Variants in SEPSECS observed in about 807,000 individuals in gnomAD.
SEPSECS encodes the protein Sep (O-phosphoserine) tRNA:Sec (selenocysteine) tRNA synthase.
SEPSECS carries 42 observed loss-of-function variants against 52.1 expected under a neutral mutation model. The ratio of observed to expected loss-of-function variants is 0.81; its 90% CI spans 0.63 to 1.04. The LOEUF (loss-of-function observed/expected upper bound fraction) is 1.04, where lower values mean the gene tolerates loss of function less well. Among genes scored for constraint, SEPSECS ranks in the 50% least tolerant of loss-of-function variants. The probability of loss-of-function intolerance (pLI) is 0.00; values close to 1 mark genes in which losing one functional copy is unlikely to be tolerated. For missense variants in SEPSECS, 590 were observed against 610.6 expected (o/e 0.97, Z 0.36); for synonymous variants, 216 against 211.4 (o/e 1.02, Z -0.19).
At chr4:25,141,182 G>T (rs901198708) in intron 8 of SEPSECS, among the ~76,000 whole-genome samples, 1 of 152,002 alleles carries the variant, frequency 6.6e-6, no homozygotes, top group Non-Finnish European at 1.5e-5. Context: ...CACCATTCTT[G>T]GTCTTCCTCC....
intron 1 of SEPSECS, 144 bp from the exon 2 acceptor site, chr4:25,159,251 A>G (rs1712893994): frequency 1.5e-6 from 1 of 689,548 alleles, no homozygotes; most frequent in Non-Finnish European, 2.4e-6. Context: ...ACCACTGTAT[A>G]GAGACCGCAA....
At chr4:25,158,290 T>C (rs1205465404) in intron 2 of SEPSECS, among the ~76,000 whole-genome samples, 1 of 152,210 alleles carries the variant, frequency 6.6e-6, no homozygotes, top group Non-Finnish European at 1.5e-5. Flanking sequence ...GAAATTTTCA[T>C]TATAATGTAA....
Position 25,158,977 on chromosome 4 carries a change from G to A in SEPSECS, c.245C>T (p.Ala82Val). ...CCTGTAATGACGACGAGCAACCAGT[G>A]CGGATGCCACTCTCCCTTCCCTTTC... ...VGEREGRVAS[A>V]LVARRHYRFI... The change falls in exon 2 of 11, where the codon GCA becomes GTA. Residue 82 changes from alanine (A) to valine (V), a missense_variant. Transcript: ENST00000382103. The A allele has an allele frequency of 6.2e-7, 1 of 1,613,856 alleles. No individual in the cohort carries two copies. Among genetic ancestry groups the A allele is most frequent in the South Asian group, 1.1e-5 (1 of 91,074 alleles).
intron 2 of SEPSECS, among the ~76,000 whole-genome samples, chr4:25,157,896 C>T (rs937270216): frequency 2.6e-5 from 4 of 152,044 alleles, no homozygotes; most frequent in African/African-American, 9.7e-5. Context: ...GGCTAAGTTC[C>T]AATGATGGTT....
intron 8 of SEPSECS, among the ~76,000 whole-genome samples, chr4:25,135,145 A>G (rs774615833): frequency 5.3e-5 from 8 of 152,170 alleles, no homozygotes; most frequent in Non-Finnish European, 7.3e-5. Context: ...ATCAACTAAA[A>G]GAAGTAGACA....
chr4:25,125,301 A>C (rs1208240376), intron 10 of SEPSECS: 1 of 172,244 alleles, frequency 5.8e-6, no homozygotes, highest in African/African-American at 2.4e-5. Flanking sequence ...CTTTTTTTTT[A>C]GTTTAGGAAG....
At chr4:25,151,787 A>C (rs1342375172) in intron 6 of SEPSECS, among the ~76,000 whole-genome samples, 173 bp downstream of exon 6, 3 of 152,224 alleles carry the variant, frequency 2.0e-5, no homozygotes, top group Non-Finnish European at 4.4e-5. Flanking sequence ...CCACAGTATC[A>C]AAGAATAATG....
chr4:25,152,129 G>T, intron 5 of SEPSECS, 67 bp from the exon 6 acceptor site: 19 of 989,640 alleles, frequency 1.9e-5, no homozygotes, highest in East Asian at 7.5e-5. Context: ...AGTGCAGAAA[G>T]TTTTTTAAAA....
chr4:25,137,344 A>G (rs1728878580), intron 8 of SEPSECS, among the ~76,000 whole-genome samples: 1 of 152,208 alleles, frequency 6.6e-6, no homozygotes, highest in South Asian at 2.1e-4. Context: ...TCCAGTCTAC[A>G]ATGAACGTAA....
In SEPSECS at chr4:25,152,064, TATAAAC is replaced by T; in HGVS notation, c.702-8_702-3del. The T allele has an allele frequency of 6.8e-7, 1 of 1,464,862 alleles. No homozygotes were observed. The highest frequency in any genetic ancestry group is 9.6e-7 in the Non-Finnish European group (1 of 1,044,200). The allele number at this position is 1,464,862 out of a possible 1,614,324, so 90.7% of individuals were successfully genotyped here. A position where few individuals can be genotyped will look rare whatever the true frequency, so the allele number is the denominator to read the frequency against. On this transcript the variant is annotated splice_region_variant and splice_polypyrimidine_tract_variant and intron_variant, in intron 5 of 10. Coordinates refer to ENST00000382103, the MANE Select transcript of SEPSECS (RefSeq NM_016955.4). ...CAAATCACAGCCAGTTCTTCTAATC[TATAAAC>T]ATAAATATTCAATAGAAAGACATAC...
chr4:25,123,225 G>A lies in SEPSECS; in HGVS notation c.*706C>T, dbSNP rs1728203132. The A allele has an allele frequency of 6.6e-6, 1 of 152,344 alleles. No individual in the cohort carries two copies. The highest frequency in any genetic ancestry group is 6.5e-5 in the Admixed American group (1 of 15,292). 9.4% of individuals were successfully genotyped at this position (152,344 alleles called of 1,614,324 possible). On this transcript the variant is annotated 3_prime_UTR_variant, in exon 11 of 11. Transcript: ENST00000382103. ...TTACTCAAGGAGTTTATCTACTTTA[G>A]AGGAGTATTTCTCAACCTCAGCACT...
At chr4:25,152,568 T>A (rs1712366754) in intron 5 of SEPSECS, among the ~76,000 whole-genome samples, 1 of 152,044 alleles carries the variant, frequency 6.6e-6, no homozygotes, top group Non-Finnish European at 1.5e-5. Context: ...CATTAAAATG[T>A]GTCATTACCA....
rs71610840 is a variant in SEPSECS, at chr4:25,156,600, C to T, written c.388+256G>A. ...GTGGGCACCTGTAGTCCCAGCTGCT[C>T]GGGAGGCTGAGGCAGGAGAATGGCG... On this transcript the variant is annotated intron_variant, in intron 3 of 10. Coordinates refer to ENST00000382103, the MANE Select transcript of SEPSECS (RefSeq NM_016955.4). Among the ~76,000 whole-genome samples, 56,769 of 146,404 alleles carry T rather than the reference C, an allele frequency of 0.39. 12,809 individuals carry two copies. Among genetic ancestry groups the T allele is most frequent in the Non-Finnish European group, 0.5 (33,540 of 67,094 alleles).
intron 8 of SEPSECS, among the ~76,000 whole-genome samples, chr4:25,140,015 G>C (rs558533295): frequency 6.6e-6 from 1 of 152,274 alleles, no homozygotes; most frequent in East Asian, 1.9e-4. Context: ...GTGTTGAGAA[G>C]TCTCTCTTGG....
intron 6 of SEPSECS, 115 bp from the exon 7 acceptor site, chr4:25,145,248 G>T: frequency 9.3e-7 from 1 of 1,073,404 alleles, no homozygotes; most frequent in Non-Finnish European, 1.4e-6. Flanking sequence ...ATATTAGCCT[G>T]ATTTAACCAT....
intron 5 of SEPSECS, among the ~76,000 whole-genome samples, chr4:25,152,414 T>C (rs1712358311): frequency 6.6e-6 from 1 of 152,188 alleles, no homozygotes; most frequent in Admixed American, 6.5e-5. Context: ...GCTCTTTTTT[T>C]CCACTTTTGG....
intron 6 of SEPSECS, among the ~76,000 whole-genome samples, chr4:25,148,918 T>G (rs1022978944): frequency 6.6e-6 from 1 of 152,218 alleles, no homozygotes; most frequent in Non-Finnish European, 1.5e-5. Context: ...AATATCTGCA[T>G]TTAAAAGTTT....
In SEPSECS at chr4:25,160,333, C is replaced by T. The variant is rs1339563905; in HGVS notation, c.37G>A (p.Val13Met). ...CCCTGCCGCACGTAAGCCGGCGACA[C>T]CAGCCGCTCTCCCGCCGCGAAGCTC... ...RESFAAGERLVSPAYVRQGCE... is the reference protein window; with the variant it reads ...RESFAAGERLMSPAYVRQGCE... Residue 13 changes from valine (V) to methionine (M), a missense_variant, in exon 1 of 11, where the codon GTG (valine) becomes ATG (methionine). Transcript: ENST00000382103. 3 of 1,548,944 alleles carry T rather than the reference C, an allele frequency of 1.9e-6. No homozygotes were observed. Among genetic ancestry groups the T allele is most frequent in the Admixed American group, 3.9e-5 (2 of 50,970 alleles).
At chr4:25,133,039 A>G (rs1728674568) in intron 8 of SEPSECS, among the ~76,000 whole-genome samples, 1 of 152,206 alleles carries the variant, frequency 6.6e-6, no homozygotes. Context: ...ACAGGAAATA[A>G]TAAGTACAAT....
Sources: gnomAD v4.1 joint callset for allele counts (sites outside exome capture counted in the v4.1 genomes callset) on GRCh38, gnomAD v4.1.1 for gene constraint, MANE v1.5 for transcripts, NCBI Gene and HGNC (gene_info 2026-07-23, HGNC 2026-07-21) for gene names.